Variants in WDR1 observed in about 807,000 individuals in gnomAD.
WDR1 encodes WD repeat-containing protein 1.
In WDR1, 21 loss-of-function variants were observed where a neutral mutation model predicts 71.9. The ratio of observed to expected loss-of-function variants is 0.29; its 90% CI spans 0.21 to 0.42. The LOEUF is 0.42. Among genes scored for constraint, WDR1 ranks in the 10% least tolerant of loss-of-function variants. WDR1 has a pLI of 1.00. For synonymous variants in WDR1, 424 were observed against 347.4 expected (o/e 1.22, Z -2.45); for missense variants, 696 against 824.5 (o/e 0.84, Z 1.91).
chr4:10,095,783 C>T (rs1297058428), intron 5 of WDR1, among the ~76,000 whole-genome samples: 1 of 152,218 alleles, frequency 6.6e-6, no homozygotes, highest in African/African-American at 2.4e-5. Flanking sequence ...GGGTCACTGT[C>T]ACCCTGTTTC....
At chr4:10,084,650 C>T in intron 8 of WDR1, 120 bp from the exon 9 acceptor site, 3 of 901,698 alleles carry the variant, frequency 3.3e-6, no homozygotes, top group Non-Finnish European at 3.5e-6. Flanking sequence ...CAATCCATGG[C>T]AGTGCAGGTG....
Position 10,081,404 on chromosome 4 carries a change from C to A in WDR1, c.1237G>T (p.Val413Leu). The A allele has an allele frequency of 1.2e-6, 2 of 1,613,940 alleles. No homozygotes were observed. Among genetic ancestry groups the A allele is most frequent in the Non-Finnish European group, 1.7e-6 (2 of 1,179,894 alleles). The change falls in exon 11 of 15, where the codon GTA becomes TTA. Residue 413 changes from valine to leucine, a missense_variant. Physicochemically the swap from Val to Leu is conservative, Grantham distance 32. Coordinates refer to ENST00000499869, the MANE Select transcript of WDR1 (RefSeq NM_017491.5). ...VVKLDVQPKC[V>L]AVGPGGYAVV... ...GCGTATCCCCCGGGGCCGACGGCTACGCACTTTGGCTGAACGTCCAGTTTC... is the reference window on the plus strand; with the variant it reads ...GCGTATCCCCCGGGGCCGACGGCTAAGCACTTTGGCTGAACGTCCAGTTTC...
At chr4:10,089,831 T>G (rs946443318) in intron 5 of WDR1, among the ~76,000 whole-genome samples, 7 of 152,206 alleles carry the variant, frequency 4.6e-5, no homozygotes, top group African/African-American at 1.4e-4. Context: ...CTGCCTGTGT[T>G]TGATTGTGTA....
chr4:10,099,027 A>C lies in WDR1; in HGVS notation c.342T>G (p.Ser114Arg). The C allele has an allele frequency of 6.2e-7, 1 of 1,613,924 alleles. No homozygotes were observed. The highest frequency in any genetic ancestry group is 8.5e-7 in the Non-Finnish European group (1 of 1,179,876). ...CTTCCCCGACCACGGCGATCCTCTT[A>C]CTGTCTTCAGTCCAAGCAATGTCTT... ...KIKDIAWTED[S>R]KRIAVVGEGR... Residue 114 changes from serine (S) to arginine (R), a missense_variant, in exon 4 of 15, where the codon AGT (serine) becomes AGG (arginine). Physicochemically the swap from Ser to Arg is moderately radical, Grantham distance 110 (BLOSUM62 -1). Coordinates refer to ENST00000499869, the MANE Select transcript of WDR1 (RefSeq NM_017491.5).
intron 3 of WDR1, 122 bp downstream of exon 3, chr4:10,103,774 G>GCCCCCCC: frequency 7.3e-6 from 2 of 274,298 alleles, no homozygotes; most frequent in Non-Finnish European, 1.4e-5. Flanking sequence ...CCCCCAGCCT[G>GCCCCCCC]CTCCCCCACC....
intron 5 of WDR1, chr4:10,096,018 C>G (rs554744697): frequency 1.3e-5 from 2 of 152,348 alleles, no homozygotes; most frequent in African/African-American, 4.8e-5. Flanking sequence ...GAAGTCCTTT[C>G]TGAAGTTAGA....
chr4:10,099,023 TCTTA>T lies in WDR1; in HGVS notation c.342_345del (p.Ser114ArgfsTer151). 1 of 1,614,036 alleles carries T rather than the reference TCTTA, an allele frequency of 6.2e-7. No individual in the cohort carries two copies. Among genetic ancestry groups the T allele is most frequent in the African/African-American group, 1.3e-5 (1 of 75,054 alleles). ...CTTCCTTCCCCGACCACGGCGATCC[TCTTA>T]CTGTCTTCAGTCCAAGCAATGTCTT... On this transcript the variant is annotated frameshift_variant, in exon 4 of 15. Transcript: ENST00000499869. LOFTEE classifies it high-confidence loss of function.
chr4:10,113,326 A>T (rs923967373), intron 2 of WDR1, among the ~76,000 whole-genome samples: 1 of 152,160 alleles, frequency 6.6e-6, no homozygotes, highest in Non-Finnish European at 1.5e-5. Flanking sequence ...ACGCCACCGC[A>T]CTCCAGCTTG....
chr4:10,075,250 G>A lies in WDR1; in HGVS notation c.*128C>T. Reference sequence around the variant, plus strand: ...CCTGCAGAGACGAGGGTCATGACTGGGCCCTCCTGCCTCTTGTGGTGGGGT... The same window carrying A: ...CCTGCAGAGACGAGGGTCATGACTGAGCCCTCCTGCCTCTTGTGGTGGGGT... On this transcript the variant is annotated 3_prime_UTR_variant, in exon 15 of 15. Coordinates refer to ENST00000499869, the MANE Select transcript of WDR1 (RefSeq NM_017491.5). 1.3e-6 allele frequency: 1 copy of A among 744,608 alleles called. No individual in the cohort carries two copies. Among genetic ancestry groups the A allele is most frequent in the South Asian group, 1.6e-5 (1 of 60,670 alleles). 46.1% of individuals were successfully genotyped at this position (744,608 alleles called of 1,614,324 possible). A position where few individuals can be genotyped will look rare whatever the true frequency, so the allele number is the denominator to read the frequency against.
chr4:10,109,092 G>T (rs898298365), intron 2 of WDR1, among the ~76,000 whole-genome samples: 1 of 152,204 alleles, frequency 6.6e-6, no homozygotes, highest in Non-Finnish European at 1.5e-5. Flanking sequence ...ACAGGCCCTG[G>T]GTGGGCCCCT....
At chr4:10,079,412 C>A (rs956715329) in intron 11 of WDR1, among the ~76,000 whole-genome samples, 2 of 152,256 alleles carry the variant, frequency 1.3e-5, no homozygotes, top group Non-Finnish European at 2.9e-5. Flanking sequence ...CCCCACAAGG[C>A]AGGGATCGGG....
intron 2 of WDR1, among the ~76,000 whole-genome samples, chr4:10,108,991 C>T (rs559792069): frequency 6.6e-6 from 1 of 152,258 alleles, no homozygotes; most frequent in Non-Finnish European, 1.5e-5. Context: ...TAGCAGCTGC[C>T]AAATACCGAC....
chr4:10,116,241 A>G lies in WDR1; in HGVS notation c.17-7T>C. 1 of 1,613,300 alleles carries G rather than the reference A, an allele frequency of 6.2e-7. No homozygotes were observed. Among genetic ancestry groups the G allele is most frequent in the Non-Finnish European group, 8.5e-7 (1 of 1,179,772 alleles). ...AGGCTGGCGAACACCTTCTCTGCGG[A>G]GACACAAATGCGGCGGGGCATGTCA... On this transcript the variant is annotated splice_region_variant and splice_polypyrimidine_tract_variant and intron_variant, in intron 1 of 14. Transcript: ENST00000499869.
rs565173690 is a variant in WDR1, at chr4:10,111,428, G to A, written c.138+4685C>T. ...CACCCTCTGCTTCCCCTGCCATCAGGTGGTCAGACTGAAGGCCTAGAGGTT... is the reference window on the plus strand; with the variant it reads ...CACCCTCTGCTTCCCCTGCCATCAGATGGTCAGACTGAAGGCCTAGAGGTT... On this transcript the variant is annotated intron_variant, in intron 2 of 14. Transcript: ENST00000499869. Among the ~76,000 whole-genome samples, 7 of 152,306 alleles carry A rather than the reference G, an allele frequency of 4.6e-5. No individual in the cohort carries two copies. The East Asian group carries it at 1.2e-3, about 25-fold the overall frequency.
At chr4:10,110,820 C>G (rs1173030542) in intron 2 of WDR1, among the ~76,000 whole-genome samples, 1 of 152,216 alleles carries the variant, frequency 6.6e-6, no homozygotes, top group Non-Finnish European at 1.5e-5. Flanking sequence ...GATGTTTGGC[C>G]ACAACCCTGA....
At position 10,088,551 on chromosome 4, in the gene WDR1, C is replaced by A. The variant is rs749355439; in HGVS notation, c.636+113G>T. ...GACGAGTCTGCAGATGTGGGGAGGGCGATGTCTAAGTTCTGCATGTCAGGA... is the reference window on the plus strand; with the variant it reads ...GACGAGTCTGCAGATGTGGGGAGGGAGATGTCTAAGTTCTGCATGTCAGGA... On this transcript the variant is annotated intron_variant, in intron 6 of 14. Transcript: ENST00000499869. 6 of 1,151,376 alleles carry A rather than the reference C, an allele frequency of 5.2e-6. No homozygotes were observed. The Admixed American group carries it at 7.9e-5, about 15-fold the overall frequency. The allele number at this position is 1,151,376 out of a possible 1,614,324, so 71.3% of individuals were successfully genotyped here.
At chr4:10,109,466 C>T (rs192730508) in intron 2 of WDR1, among the ~76,000 whole-genome samples, 18 of 152,362 alleles carry the variant, frequency 1.2e-4, no homozygotes, top group Admixed American at 1.1e-3. Flanking sequence ...ATAAAGTCTG[C>T]ACTGGCCAAC....
At chr4:10,080,118 C>T (rs575972377) in intron 11 of WDR1, among the ~76,000 whole-genome samples, 1 of 152,234 alleles carries the variant, frequency 6.6e-6, no homozygotes, top group Non-Finnish European at 1.5e-5. Flanking sequence ...CTGTCCCCTG[C>T]ACACCACAAC....
At chr4:10,107,524 G>A (rs1434456974) in intron 2 of WDR1, among the ~76,000 whole-genome samples, 9 of 152,236 alleles carry the variant, frequency 5.9e-5, no homozygotes, top group African/African-American at 1.9e-4. Flanking sequence ...CCGCCCTGAC[G>A]TTGCCAGCCA....
Sources: allele counts gnomAD v4.1 joint callset (sites outside exome capture counted in the v4.1 genomes callset), GRCh38; gene constraint gnomAD v4.1.1; transcripts MANE v1.5; gene names NCBI Gene and HGNC (gene_info 2026-07-23, HGNC 2026-07-21).